The following CSMD3 variants were observed in gnomAD, a reference collection of about 807,000 sequenced individuals.
The protein encoded by CSMD3 is CUB and sushi domain-containing protein 3.
Under a neutral mutation model 435.2 loss-of-function variants are expected in CSMD3, and 177 were observed. That is an observed-to-expected ratio of 0.41 (90% confidence interval 0.36 to 0.46). CSMD3 has a LOEUF of 0.46. Ranked by LOEUF, CSMD3 falls within the 20% of genes least tolerant of loss-of-function variation. CSMD3 has a pLI of 0.34. For synonymous variants in CSMD3, 1,656 were observed against 1,520.5 expected (o/e 1.09, Z -2.07); for missense variants, 4,265 against 4,504.6 (o/e 0.95, Z 1.52).
chr8:113,238,074 C>CAAA (rs34316809), intron 3 of CSMD3, among the ~76,000 whole-genome samples: 18 of 77,560 alleles, frequency 2.3e-4, no homozygotes, highest in Non-Finnish European at 3.1e-4. Context: ...GACTCCATCT[C>CAAA]AAAAAAAAAA....
intron 6 of CSMD3, among the ~76,000 whole-genome samples, chr8:113,017,192 A>T (rs964764): frequency 5.9e-5 from 9 of 151,690 alleles, no homozygotes. Flanking sequence ...ATTTTACTAC[A>T]GTGATGCTAC....
At chr8:113,267,505 T>C (rs1292943631) in intron 3 of CSMD3, among the ~76,000 whole-genome samples, 2 of 151,674 alleles carry the variant, frequency 1.3e-5, no homozygotes, top group African/African-American at 4.8e-5. Flanking sequence ...AATAGACAAA[T>C]ATTGCATCTT....
intron 1 of CSMD3, among the ~76,000 whole-genome samples, chr8:113,323,076 T>C (rs1294278118): frequency 6.6e-6 from 1 of 152,142 alleles, no homozygotes; most frequent in Non-Finnish European, 1.5e-5. Flanking sequence ...TTAATTTAGA[T>C]GAGTGCTTTT....
chr8:112,910,829 A>G (rs539052092), intron 10 of CSMD3, among the ~76,000 whole-genome samples: 4 of 151,936 alleles, frequency 2.6e-5, no homozygotes, highest in Non-Finnish European at 5.9e-5. Context: ...CATGTGGCTT[A>G]TACATCACTA....
At chr8:113,039,696 G>T (rs1046801073) in intron 5 of CSMD3, among the ~76,000 whole-genome samples, 1 of 151,848 alleles carries the variant, frequency 6.6e-6, no homozygotes, top group Non-Finnish European at 1.5e-5. Flanking sequence ...AAAGAAGGAA[G>T]AACAAAAATT....
At position 112,291,075 on chromosome 8, in the gene CSMD3, GA is replaced by G. The variant is rs543655902; in HGVS notation, c.8974+434del. Among the ~76,000 whole-genome samples, 6 of 152,008 alleles carry G rather than the reference GA, an allele frequency of 3.9e-5. No individual in the cohort carries two copies. The East Asian group carries it at 1.2e-3, about 29-fold the overall frequency. On this transcript the variant is annotated intron_variant, in intron 56 of 70. Transcript: ENST00000297405. ...TTAACAAGTATATGTGTCTCTATAT[GA>G]CAAATATTTAAGGTCAATAAGTTTT...
chr8:112,848,171 A>G (rs777433243), intron 11 of CSMD3, among the ~76,000 whole-genome samples: 2 of 152,170 alleles, frequency 1.3e-5, no homozygotes, highest in African/African-American at 2.4e-5. Context: ...TCAGAATGAT[A>G]TGAAATGTTG....
chr8:113,135,676 T>C (rs1415167910), intron 4 of CSMD3, among the ~76,000 whole-genome samples: 6 of 151,786 alleles, frequency 4.0e-5, no homozygotes, highest in Admixed American at 6.6e-5. Flanking sequence ...GAGCAATTCA[T>C]TGAAAATTTA....
chr8:112,517,157 C>T lies in CSMD3; in HGVS notation c.4633G>A (p.Glu1545Lys), dbSNP rs1196231341. 1 of 1,613,778 alleles carries T rather than the reference C, an allele frequency of 6.2e-7. No homozygotes were observed. The change falls in exon 28 of 71, where the codon GAA (glutamate) becomes AAA (lysine). Residue 1545 changes from glutamate (E) to lysine (K), a missense_variant. By Grantham distance (56) the Glu-to-Lys change is moderately conservative. Transcript: ENST00000297405. ...MNGTRNGDGR[E>K]PGDTVVFQCD... ...TGAAAAACAACAGTGTCCCCAGGTT[C>T]TCTTCCATCCCCATTTCGAGTCCCA...
At chr8:112,689,550 C>CTAATTCTAATAAAATAAA (rs1274034058) in intron 14 of CSMD3, among the ~76,000 whole-genome samples, 1 of 151,888 alleles carries the variant, frequency 6.6e-6, no homozygotes, top group Non-Finnish European at 1.5e-5. Flanking sequence ...ATAAATGAGT[C>CTAATTCTAATAAAATAAA]TATTAGAATT....
chr8:113,255,285 G>C (rs1210789794), intron 3 of CSMD3, among the ~76,000 whole-genome samples: 2 of 152,022 alleles, frequency 1.3e-5, no homozygotes, highest in African/African-American at 4.8e-5. Flanking sequence ...ATATAATAAA[G>C]ACTGCCCTCA....
At chr8:113,201,112 C>A (rs2092711994) in intron 3 of CSMD3, among the ~76,000 whole-genome samples, 1 of 151,908 alleles carries the variant, frequency 6.6e-6, no homozygotes. Flanking sequence ...GATCTCATTG[C>A]ATAGGTTTAC....
chr8:112,785,049 A>T (rs2078502052), intron 13 of CSMD3, among the ~76,000 whole-genome samples: 1 of 152,084 alleles, frequency 6.6e-6, no homozygotes, highest in Admixed American at 6.6e-5. Context: ...CAATGCATTA[A>T]AGAGATCATT....
chr8:112,239,614 A>C (rs1402665667), intron 66 of CSMD3, among the ~76,000 whole-genome samples: 1 of 152,022 alleles, frequency 6.6e-6, no homozygotes, highest in Admixed American at 6.6e-5. Flanking sequence ...ATTTGCTATA[A>C]AATTATTCAC....
rs928012704 is a variant in CSMD3 at position 112,778,621 on chromosome 8, T to C, written c.1972+21541A>G. Among the ~76,000 whole-genome samples the C allele has an allele frequency of 2.6e-5, 4 of 152,084 alleles. No homozygotes were observed. In the South Asian group the frequency reaches 6.2e-4, roughly 24 times the overall value. On this transcript the variant is annotated intron_variant, in intron 13 of 70. Transcript: ENST00000297405. Reference sequence around the variant, plus strand: ...CTGGTTGCTTCCAAATTGACAAATATGGATAAAGCTGCTGTAAACCTCCAT... The same window carrying C: ...CTGGTTGCTTCCAAATTGACAAATACGGATAAAGCTGCTGTAAACCTCCAT...
At chr8:113,299,448 G>A (rs1000665239) in intron 2 of CSMD3, among the ~76,000 whole-genome samples, 1 of 152,154 alleles carries the variant, frequency 6.6e-6, no homozygotes, top group Non-Finnish European at 1.5e-5. Context: ...CTAGAAATCA[G>A]ATTGAATTCA....
chr8:112,247,815 A>T (rs962806796), intron 63 of CSMD3, among the ~76,000 whole-genome samples: 1 of 152,194 alleles, frequency 6.6e-6, no homozygotes, highest in Non-Finnish European at 1.5e-5. Context: ...AAAAACCAAT[A>T]ATCTGTTTTA....
chr8:112,359,834 C>T (rs1038564856), intron 38 of CSMD3, among the ~76,000 whole-genome samples: 2 of 152,038 alleles, frequency 1.3e-5, no homozygotes, highest in Non-Finnish European at 2.9e-5. Flanking sequence ...TGTTCTATTC[C>T]TTTTTGTAGT....
rs2091531463 is a variant in CSMD3 at position 113,140,847 on chromosome 8, AAAG to A, written c.709+32872_709+32874del. ...GATTAAATTCACACCTCAACAACCT[AAAG>A]AAGAGCAAACAACCTCAAAGTAAGC... On this transcript the variant is annotated intron_variant, in intron 4 of 70. Transcript: ENST00000297405. 7.9e-5 allele frequency among the ~76,000 whole-genome samples: 12 copies of A among 151,064 alleles called. No homozygotes were observed. In the South Asian group the frequency reaches 2.5e-3, roughly 31 times the overall value.
Sources: allele counts gnomAD v4.1 joint callset (sites outside exome capture counted in the v4.1 genomes callset), GRCh38; gene constraint gnomAD v4.1.1; transcripts MANE v1.5; gene names NCBI Gene and HGNC (gene_info 2026-07-23, HGNC 2026-07-21).